The following GABRG3 variants were observed in gnomAD, a reference collection of about 807,000 sequenced individuals.
GABRG3 encodes gamma-aminobutyric acid type A receptor subunit gamma3, also known as gamma-aminobutyric acid receptor subunit gamma-3.
GABRG3 carries 25 observed loss-of-function variants against 48.8 expected under a neutral mutation model. The ratio of observed to expected loss-of-function variants is 0.51; its 90% CI spans 0.37 to 0.72. The LOEUF (loss-of-function observed/expected upper bound fraction) is 0.72. Among genes scored for constraint, GABRG3 ranks in the 30% least tolerant of loss-of-function variants. GABRG3 has a pLI of 0.00. For synonymous variants in GABRG3, 227 were observed against 217.6 expected, an observed-to-expected ratio of 1.04 and a Z score of -0.38; for missense variants, 394 against 577.9, an observed-to-expected ratio of 0.68 and a Z score of 3.26.
chr15:27,033,691 G>A (rs1200467970), intron 3 of GABRG3, among the ~76,000 whole-genome samples: 1 of 152,122 alleles, frequency 6.6e-6, no homozygotes, highest in Non-Finnish European at 1.5e-5. Context: ...AGTTGTTTAA[G>A]AGGATGATGG....
At chr15:27,192,301 A>G (rs2140423407) in intron 3 of GABRG3, among the ~76,000 whole-genome samples, 1 of 152,230 alleles carries the variant, frequency 6.6e-6, no homozygotes, top group Non-Finnish European at 1.5e-5. Flanking sequence ...GTTCTCCTGG[A>G]TAATATTCTG....
chr15:27,442,989 A>C (rs1433602326), intron 5 of GABRG3, among the ~76,000 whole-genome samples: 1 of 152,156 alleles, frequency 6.6e-6, no homozygotes, highest in East Asian at 1.9e-4. Context: ...GCCCTCCCCA[A>C]ATAAAGTCGG....
chr15:27,181,192 G>A (rs1182057581), intron 3 of GABRG3, among the ~76,000 whole-genome samples: 1 of 152,152 alleles, frequency 6.6e-6, no homozygotes, highest in Non-Finnish European at 1.5e-5. Context: ...AATGCTAGCT[G>A]CCCACGAGCA....
chr15:27,306,756 TTATA>T (rs1436882579), intron 3 of GABRG3, among the ~76,000 whole-genome samples: 3 of 117,288 alleles, frequency 2.6e-5, no homozygotes, highest in East Asian at 2.4e-4. Context: ...ATAAACATGT[TTATA>T]TATAAACATA....
chr15:27,441,610 C>G (rs1009987638), intron 5 of GABRG3, among the ~76,000 whole-genome samples: 1 of 152,158 alleles, frequency 6.6e-6, no homozygotes, highest in Admixed American at 6.5e-5. Context: ...TGATGAGAAC[C>G]AAAACCTGAT....
At chr15:27,258,070 G>A (rs180695113) in intron 3 of GABRG3, among the ~76,000 whole-genome samples, 1 of 152,110 alleles carries the variant, frequency 6.6e-6, no homozygotes, top group African/African-American at 2.4e-5. Flanking sequence ...CCTTGGAAAC[G>A]CCCTGCTGTC....
In GABRG3 at chr15:27,099,929, A is replaced by G. The variant is rs140499511; in HGVS notation, c.270+73108A>G. Reference sequence around the variant, plus strand: ...TAAATTTGACATTATTCTAAAAATCAGAATTGGCCGGGCACGGTGGCTCAC... The same window carrying G: ...TAAATTTGACATTATTCTAAAAATCGGAATTGGCCGGGCACGGTGGCTCAC... On this transcript the variant is annotated intron_variant, in intron 3 of 9. Coordinates refer to ENST00000615808, the MANE Select transcript of GABRG3 (RefSeq NM_033223.5). 5.4e-3 allele frequency among the ~76,000 whole-genome samples: 821 copies of G among 152,302 alleles called. 4 individuals carry two copies. Among genetic ancestry groups the G allele is most frequent in the African/African-American group, 0.018 (766 of 41,558 alleles).
At chr15:27,233,841 G>C (rs1889876708) in intron 3 of GABRG3, among the ~76,000 whole-genome samples, 1 of 152,306 alleles carries the variant, frequency 6.6e-6, no homozygotes, top group Middle Eastern at 3.4e-3. Context: ...TTCAGGTTTT[G>C]TATGTTTTCT....
chr15:27,492,112 G>C (rs1890370906), intron 6 of GABRG3, among the ~76,000 whole-genome samples: 1 of 152,140 alleles, frequency 6.6e-6, no homozygotes, highest in Admixed American at 6.6e-5. Context: ...ACGGCATTGT[G>C]ATTAGCCCAT....
At chr15:27,515,998 T>C (rs1891009305) in intron 6 of GABRG3, among the ~76,000 whole-genome samples, 1 of 152,102 alleles carries the variant, frequency 6.6e-6, no homozygotes, top group Non-Finnish European at 1.5e-5. Flanking sequence ...TATGTTGCTG[T>C]CAAATTTCAA....
At chr15:27,153,964 A>G (rs2140398334) in intron 3 of GABRG3, among the ~76,000 whole-genome samples, 1 of 152,334 alleles carries the variant, frequency 6.6e-6, no homozygotes, top group East Asian at 1.9e-4. Flanking sequence ...GACATGATAC[A>G]TCAGTAACAG....
intron 6 of GABRG3, among the ~76,000 whole-genome samples, chr15:27,517,413 C>T (rs898285595): frequency 6.6e-6 from 1 of 152,236 alleles, no homozygotes; most frequent in East Asian, 1.9e-4. Flanking sequence ...GTAGGATGAC[C>T]ATGGAAGCTA....
chr15:27,400,728 T>G (rs2140586647), intron 5 of GABRG3, among the ~76,000 whole-genome samples: 1 of 152,344 alleles, frequency 6.6e-6, no homozygotes, highest in African/African-American at 2.4e-5. Context: ...GATGAGCTTA[T>G]CAGACTGAGA....
Position 26,993,930 on chromosome 15 carries a change from C to T in GABRG3, c.202+16780C>T, listed in dbSNP as rs147986169. Among the ~76,000 whole-genome samples the T allele has an allele frequency of 2.0e-3, 304 of 151,918 alleles. 3 individuals are homozygous for T. The highest frequency in any genetic ancestry group is 0.011 in the South Asian group (55 of 4,816). On this transcript the variant is annotated intron_variant, in intron 2 of 9. Transcript: ENST00000615808. ...ATTTAAAATTATTATATCCTCTTGC[C>T]GAATTGAACCCTTTATCATTGATAA...
intron 5 of GABRG3, among the ~76,000 whole-genome samples, chr15:27,466,332 T>A (rs1889609189): frequency 6.6e-6 from 1 of 152,182 alleles, no homozygotes; most frequent in African/African-American, 2.4e-5. Context: ...CCTGAGTCAA[T>A]TCCAAGCCCT....
intron 3 of GABRG3, among the ~76,000 whole-genome samples, chr15:27,229,901 T>C (rs1007324958): frequency 6.6e-6 from 1 of 152,194 alleles, no homozygotes; most frequent in Admixed American, 6.5e-5. Flanking sequence ...TGGTTCCATA[T>C]ACATTTTAAA....
chr15:27,398,172 C>G (rs1473257423), intron 5 of GABRG3, among the ~76,000 whole-genome samples: 4 of 152,044 alleles, frequency 2.6e-5, no homozygotes, highest in Non-Finnish European at 5.9e-5. Context: ...ATGTCTATAT[C>G]ACATATATGT....
chr15:27,108,843 A>T (rs558274054), intron 3 of GABRG3, among the ~76,000 whole-genome samples: 88 of 151,984 alleles, frequency 5.8e-4, no homozygotes, highest in African/African-American at 2.0e-3. Context: ...ATTTCTAATA[A>T]TTTTTTTTGT....
intron 5 of GABRG3, among the ~76,000 whole-genome samples, chr15:27,360,197 G>A (rs1894975512): frequency 6.6e-6 from 1 of 152,122 alleles, no homozygotes; most frequent in Admixed American, 6.5e-5. Flanking sequence ...GCTATGGCTG[G>A]GGAGACCCTG....
Sources: gnomAD v4.1 joint callset for allele counts (sites outside exome capture counted in the v4.1 genomes callset) on GRCh38, gnomAD v4.1.1 for gene constraint, MANE v1.5 for transcripts, NCBI Gene and HGNC (gene_info 2026-07-23, HGNC 2026-07-21) for gene names.